UBE2E2: variants seen among roughly 807,000 people sequenced by gnomAD.
The protein encoded by UBE2E2 is ubiquitin conjugating enzyme E2 E2.
UBE2E2 carries 6 observed loss-of-function variants against 24.7 expected under a neutral mutation model. The ratio of observed to expected loss-of-function variants is 0.24; its 90% CI spans 0.13 to 0.48. The LOEUF (loss-of-function observed/expected upper bound fraction) is 0.48, where lower values mean the gene tolerates loss of function less well. Among genes scored for constraint, UBE2E2 ranks in the 20% least tolerant of loss-of-function variants. The pLI is 0.99. For synonymous variants in UBE2E2, 104 were observed against 83.6 expected (o/e 1.24, Z -1.33); for missense variants, 169 against 245.0 (o/e 0.69, Z 2.07).
At chr3:23,514,587 T>TTA (rs1694687088) in intron 4 of UBE2E2, among the ~76,000 whole-genome samples, 1 of 151,746 alleles carries the variant, frequency 6.6e-6, no homozygotes, top group South Asian at 2.1e-4. Flanking sequence ...AAAGTAATAT[T>TTA]TTATTATTAT....
chr3:23,420,663 C>T (rs185287220), intron 3 of UBE2E2, among the ~76,000 whole-genome samples: 9 of 152,350 alleles, frequency 5.9e-5, no homozygotes, highest in African/African-American at 7.2e-5. Flanking sequence ...TCTTCACCTA[C>T]ACCAGAACCA....
chr3:23,575,397 A>G (rs556605142), intron 5 of UBE2E2, among the ~76,000 whole-genome samples: 1 of 152,300 alleles, frequency 6.6e-6, no homozygotes, highest in Admixed American at 6.5e-5. Flanking sequence ...CCAAAAGCTA[A>G]AGCAAATTTT....
At chr3:23,497,190 C>A (rs1296385120) in intron 3 of UBE2E2, among the ~76,000 whole-genome samples, 1 of 152,146 alleles carries the variant, frequency 6.6e-6, no homozygotes. Flanking sequence ...TCAACTTTTT[C>A]TTGTAATGGC....
intron 4 of UBE2E2, among the ~76,000 whole-genome samples, chr3:23,509,505 G>C (rs1230174924): frequency 3.3e-5 from 5 of 152,138 alleles, no homozygotes; most frequent in Non-Finnish European, 5.9e-5. Context: ...GTTCATTTCT[G>C]AGACTGCCTG....
At chr3:23,401,965 T>C (rs1697234413) in intron 3 of UBE2E2, among the ~76,000 whole-genome samples, 1 of 149,372 alleles carries the variant, frequency 6.7e-6, no homozygotes, top group Non-Finnish European at 1.5e-5. Flanking sequence ...CAAGCAATTC[T>C]CCTGTCTCAG....
Position 23,289,076 on chromosome 3 carries a change from T to C in UBE2E2, c.227+71764T>C, listed in dbSNP as rs542302359. Among the ~76,000 whole-genome samples the C allele has an allele frequency of 3.9e-5, 6 of 152,180 alleles. No individual in the cohort carries two copies. The South Asian group carries it at 1.2e-3, about 32-fold the overall frequency. Reference sequence around the variant, plus strand: ...TGAAGATGCTTTTTTGTGTAGATAGTTGTCAAATGTGATGTTCCTGCAGGG... The same window carrying C: ...TGAAGATGCTTTTTTGTGTAGATAGCTGTCAAATGTGATGTTCCTGCAGGG... On this transcript the variant is annotated intron_variant, in intron 3 of 5. Transcript: ENST00000396703.
chr3:23,427,859 A>C (rs1470403218), intron 3 of UBE2E2, among the ~76,000 whole-genome samples: 1 of 152,246 alleles, frequency 6.6e-6, no homozygotes, highest in East Asian at 1.9e-4. Context: ...TCAATACTTC[A>C]AGAAGACGTA....
chr3:23,525,607 T>C (rs1363293409), intron 4 of UBE2E2, among the ~76,000 whole-genome samples: 1 of 152,244 alleles, frequency 6.6e-6, no homozygotes, highest in African/African-American at 2.4e-5. Flanking sequence ...ACATCAGTTA[T>C]TGAGCTATGC....
chr3:23,432,971 TA>T (rs1698100245), intron 3 of UBE2E2, among the ~76,000 whole-genome samples: 1 of 151,990 alleles, frequency 6.6e-6, no homozygotes, highest in African/African-American at 2.4e-5. Flanking sequence ...AACTTGAATA[TA>T]TTAAACACTA....
At chr3:23,235,616 T>C (rs1270133470) in intron 3 of UBE2E2, among the ~76,000 whole-genome samples, 4 of 152,088 alleles carry the variant, frequency 2.6e-5, no homozygotes, top group African/African-American at 9.7e-5. Context: ...GATGGTGTTA[T>C]AGATTATGGC....
At chr3:23,576,409 A>ATAATTATGTTTAAAAAAACATAATTTTT in intron 5 of UBE2E2, among the ~76,000 whole-genome samples, 1 of 152,236 alleles carries the variant, frequency 6.6e-6, no homozygotes, top group South Asian at 2.1e-4. Flanking sequence ...CAATAACAAA[A>ATAATTATGTTTAAAAAAACATAATTTTT]TAATTATGTT....
In UBE2E2 at chr3:23,586,478, G is replaced by C. The variant is rs1047976182; in HGVS notation, c.509-3256G>C. 2.0e-5 allele frequency among the ~76,000 whole-genome samples: 3 copies of C among 151,848 alleles called. 1 individual carries two copies. Among genetic ancestry groups the C allele is most frequent in the Admixed American group, 1.3e-4 (2 of 15,246 alleles). On this transcript the variant is annotated intron_variant, in intron 5 of 5. Transcript: ENST00000396703. ...CCTGGCTAATTTTTGTTATTTTTTT[G>C]TGGAGTTGGGGGTCTCAGTGTGTTG... is the stretch of plus-strand genomic sequence containing the variant.
At chr3:23,208,234 A>G (rs1696205850) in intron 1 of UBE2E2, among the ~76,000 whole-genome samples, 1 of 152,160 alleles carries the variant, frequency 6.6e-6, no homozygotes, top group African/African-American at 2.4e-5. Context: ...TTGCCTGTTC[A>G]GGACATTTCA....
At chr3:23,499,841 G>C in intron 4 of UBE2E2, 101 bp downstream of exon 4, 1 of 1,355,138 alleles carries the variant, frequency 7.4e-7, no homozygotes, top group Non-Finnish European at 9.8e-7. Flanking sequence ...TGTCTATTCT[G>C]TTGTCACAGA....
In UBE2E2 at chr3:23,560,203, C is replaced by T. The variant is rs148544658; in HGVS notation, c.508+27502C>T. ...TTAGGTATATCTCCGAATGCTATAC[C>T]TCCCCCCTCCCCCTCCCCCCACCCC... On this transcript the variant is annotated intron_variant, in intron 5 of 5. Transcript: ENST00000396703. Among the ~76,000 whole-genome samples the T allele has an allele frequency of 6.3e-3, 910 of 144,176 alleles. 7 individuals carry two copies. The highest frequency in any genetic ancestry group is 0.022 in the African/African-American group (852 of 38,640). The allele number at this position is 144,176 out of a possible 152,430, so 94.6% of individuals were successfully genotyped here.
Position 23,337,692 on chromosome 3 carries a change from T to G in UBE2E2, c.227+120380T>G, listed in dbSNP as rs78099358. 3.9e-5 allele frequency among the ~76,000 whole-genome samples: 6 copies of G among 152,276 alleles called. No homozygotes were observed. In the East Asian group the frequency reaches 1.2e-3, roughly 29 times the overall value. Reference sequence around the variant, plus strand: ...CTTATAGTTTAGTGGGAACAGTATGTGCAAGAACTGGAGTATGAAAGAAGA... The same window carrying G: ...CTTATAGTTTAGTGGGAACAGTATGGGCAAGAACTGGAGTATGAAAGAAGA... On this transcript the variant is annotated intron_variant, in intron 3 of 5. Coordinates refer to ENST00000396703, the MANE Select transcript of UBE2E2 (RefSeq NM_152653.4).
At chr3:23,543,506 G>A (rs1695445272) in intron 5 of UBE2E2, among the ~76,000 whole-genome samples, 2 of 151,048 alleles carry the variant, frequency 1.3e-5, no homozygotes, top group South Asian at 2.1e-4. Flanking sequence ...AGTTAACCAA[G>A]GAGGTGAAGG....
Position 23,583,494 on chromosome 3 carries a change from C to A in UBE2E2, c.509-6240C>A, listed in dbSNP as rs1025959293. On this transcript the variant is annotated intron_variant, in intron 5 of 5. Coordinates refer to ENST00000396703, the MANE Select transcript of UBE2E2 (RefSeq NM_152653.4). The surrounding 1 kb of genome is among the most constrained non-coding windows in gnomAD (Gnocchi z 4.1). ...GTCATTGGTAGTTTGATAGAAATAG[C>A]GTTGCACCTGTAAATTGCTTTGGGC... Among the ~76,000 whole-genome samples, 3 of 152,150 alleles carry A rather than the reference C, an allele frequency of 2.0e-5. No homozygotes were observed. Among genetic ancestry groups the A allele is most frequent in the Admixed American group, 6.5e-5 (1 of 15,282 alleles).
chr3:23,509,402 T>A (rs558335104), intron 4 of UBE2E2, among the ~76,000 whole-genome samples: 2 of 152,284 alleles, frequency 1.3e-5, no homozygotes, highest in East Asian at 3.9e-4. Flanking sequence ...AAAAAAAGTA[T>A]AATATTCTCC....
Sources: gnomAD v4.1 joint callset for allele counts (sites outside exome capture counted in the v4.1 genomes callset) on GRCh38, gnomAD v4.1.1 for gene constraint, Gnocchi (gnomAD v3.1) non-coding constraint, MANE v1.5 for transcripts, NCBI Gene and HGNC (gene_info 2026-07-23, HGNC 2026-07-21) for gene names.